The following TENM2 variants were observed in gnomAD, a reference collection of about 807,000 sequenced individuals.
TENM2 encodes teneurin transmembrane protein 2, also known as teneurin-2.
TENM2 carries 52 observed loss-of-function variants against 245.2 expected under a neutral mutation model. The ratio of observed to expected loss-of-function variants is 0.21; its 90% CI spans 0.17 to 0.27. The LOEUF (loss-of-function observed/expected upper bound fraction) is 0.27. Ranked by LOEUF, TENM2 falls within the 10% of genes least tolerant of loss-of-function variation. TENM2 has a pLI of 1.00. For missense variants in TENM2, 3,046 were observed against 3,666.8 expected, an observed-to-expected ratio of 0.83 and a Z score of 4.37; for synonymous variants, 1,363 against 1,438.9, an observed-to-expected ratio of 0.95 and a Z score of 1.19.
intron 2 of TENM2, among the ~76,000 whole-genome samples, chr5:167,376,629 T>G (rs1394682512): frequency 6.6e-6 from 1 of 152,136 alleles, no homozygotes; most frequent in Non-Finnish European, 1.5e-5. Context: ...TTGAAATAAT[T>G]TATTCTACAG....
At chr5:167,119,160 T>C in the TENM2 span, among the ~76,000 whole-genome samples, 3 of 152,226 alleles carry the variant, frequency 2.0e-5, no homozygotes, top group Admixed American at 6.5e-5. Context: ...TTATTTCAAA[T>C]ACAGATACAA....
At chr5:167,960,536 C>T (rs371658536) in intron 4 of TENM2, among the ~76,000 whole-genome samples, 12 of 151,740 alleles carry the variant, frequency 7.9e-5, no homozygotes, top group South Asian at 6.2e-4. Context: ...AATAGTGGAC[C>T]CCCCCTCCCT....
At chr5:166,980,417 A>G in the TENM2 span, among the ~76,000 whole-genome samples, 3 of 152,194 alleles carry the variant, frequency 2.0e-5, no homozygotes, top group African/African-American at 4.8e-5. Flanking sequence ...ATTGAACTCT[A>G]ACTCTTTTCT....
chr5:167,506,265 T>C (rs1394833834), intron 2 of TENM2, among the ~76,000 whole-genome samples: 2 of 152,198 alleles, frequency 1.3e-5, no homozygotes, highest in Non-Finnish European at 2.9e-5. Context: ...AATAACTGAA[T>C]TATTATACGG....
chr5:167,392,968 A>G (rs779604119), intron 2 of TENM2, among the ~76,000 whole-genome samples: 3 of 151,962 alleles, frequency 2.0e-5, no homozygotes, highest in Non-Finnish European at 4.4e-5. Flanking sequence ...CTAAAAATAC[A>G]AAAATTAGCC....
intron 2 of TENM2, among the ~76,000 whole-genome samples, chr5:167,399,003 CAGAT>C (rs1288241716): frequency 6.6e-6 from 1 of 152,090 alleles, no homozygotes; most frequent in Non-Finnish European, 1.5e-5. Context: ...GGTCCTTGGG[CAGAT>C]ATGTAAATCC....
At chr5:168,153,263 A>G (rs1756813567) in intron 12 of TENM2, among the ~76,000 whole-genome samples, 2 of 152,228 alleles carry the variant, frequency 1.3e-5, no homozygotes, top group South Asian at 2.1e-4. Context: ...TTCCTCAGAG[A>G]TTGTGATTTA....
At chr5:167,727,104 CTTTTTTTTTTT>C (rs1227700479) in intron 2 of TENM2, among the ~76,000 whole-genome samples, 1 of 96,132 alleles carries the variant, frequency 1.0e-5, no homozygotes, top group Non-Finnish European at 1.9e-5. Context: ...CCATTAATTT[CTTTTTTTTTTT>C]TTTTTTTTTT....
intron 2 of TENM2, among the ~76,000 whole-genome samples, chr5:167,419,709 C>T (rs1172445570): frequency 6.6e-6 from 1 of 152,192 alleles, no homozygotes; most frequent in Non-Finnish European, 1.5e-5. Flanking sequence ...TCTGGATTTA[C>T]TCATCACTTT....
chr5:167,027,632 T>A, the TENM2 span, among the ~76,000 whole-genome samples: 1 of 152,324 alleles, frequency 6.6e-6, no homozygotes, highest in South Asian at 2.1e-4. Context: ...TATTTATTGA[T>A]CTTTTTCCTG....
At position 168,247,730 on chromosome 5, in the gene TENM2, T is replaced by C. The variant is rs746106053; in HGVS notation, c.6791T>C (p.Ile2264Thr). 6.2e-7 allele frequency: 1 copy of C among 1,613,874 alleles called. No homozygotes were observed. Among genetic ancestry groups the C allele is most frequent in the South Asian group, 1.1e-5 (1 of 91,080 alleles). ...AGACTCGGGGATGTGCAGTACAAAATTGACGACGATGGCTATCTGTGCCAG... is the reference window on the plus strand; with the variant it reads ...AGACTCGGGGATGTGCAGTACAAAACTGACGACGATGGCTATCTGTGCCAG... Residue 2264 changes from isoleucine to threonine, a missense_variant, in exon 27 of 29, where the codon ATT becomes ACT. Physicochemically the swap from Ile to Thr is moderately conservative, Grantham distance 89 (BLOSUM62 -1). This residue lies in a region of TENM2 where 2,704 missense variants were observed against 3,331.9 expected (regional missense o/e 0.81). Coordinates refer to ENST00000518659, the Ensembl canonical transcript of TENM2. This position sits in a 1 kb window ranked among gnomAD's most constrained non-coding sequence, Gnocchi z 7.8.
chr5:167,840,556 C>G (rs996878018), intron 2 of TENM2, among the ~76,000 whole-genome samples: 6 of 152,074 alleles, frequency 3.9e-5, no homozygotes, highest in East Asian at 1.9e-4. Flanking sequence ...CCCAGCCCCC[C>G]ACAATGTTAA....
the TENM2 span, among the ~76,000 whole-genome samples, chr5:167,266,682 T>C: frequency 1.3e-5 from 2 of 152,194 alleles, no homozygotes; most frequent in Non-Finnish European, 2.9e-5. Context: ...TGGGGATAGG[T>C]ATATCTAAAT....
chr5:167,007,236 G>A, the TENM2 span, among the ~76,000 whole-genome samples: 1 of 152,042 alleles, frequency 6.6e-6, no homozygotes, highest in African/African-American at 2.4e-5. The surrounding 1 kb of genome is among the most constrained non-coding windows in gnomAD (Gnocchi z 4.2). Context: ...ATGCTTGCTT[G>A]CCTGTCAGTT....
At chr5:167,900,187 C>T (rs779742636) in intron 3 of TENM2, among the ~76,000 whole-genome samples, 7 of 146,416 alleles carry the variant, frequency 4.8e-5, no homozygotes, top group Non-Finnish European at 7.4e-5. Context: ...GGAAACATTG[C>T]ACTGAGGCAA....
At chr5:167,537,935 C>T (rs905059061) in intron 2 of TENM2, among the ~76,000 whole-genome samples, 2 of 152,196 alleles carry the variant, frequency 1.3e-5, no homozygotes, top group African/African-American at 4.8e-5. Context: ...TGATATTCAA[C>T]TTAGCTGTCA....
intron 1 of TENM2, among the ~76,000 whole-genome samples, chr5:167,297,085 G>A (rs533846459): frequency 1.6e-4 from 24 of 152,124 alleles, no homozygotes; most frequent in Non-Finnish European, 2.1e-4. Flanking sequence ...AATGTCTCAA[G>A]GGATTTGAGT....
At chr5:167,779,257 G>A (rs1323138493) in intron 2 of TENM2, among the ~76,000 whole-genome samples, 1 of 152,146 alleles carries the variant, frequency 6.6e-6, no homozygotes, top group Non-Finnish European at 1.5e-5. Context: ...GGTATTTTAG[G>A]CCTAGTGTGT....
intron 2 of TENM2, among the ~76,000 whole-genome samples, chr5:167,579,957 A>G (rs547586505): frequency 5.3e-5 from 8 of 152,208 alleles, no homozygotes; most frequent in Non-Finnish European, 1.0e-4. Flanking sequence ...ATTGGAGACA[A>G]TCTAGTAAGG....
Sources: allele counts gnomAD v4.1 joint callset (sites outside exome capture counted in the v4.1 genomes callset), GRCh38; gene constraint gnomAD v4.1.1; regional missense constraint gnomAD v4.1.1; non-coding constraint Gnocchi (gnomAD v3.1); transcripts MANE v1.5; gene names NCBI Gene and HGNC (gene_info 2026-07-23, HGNC 2026-07-21).